STRAP: variants seen among roughly 807,000 people sequenced by gnomAD.
The protein encoded by STRAP is serine-threonine kinase receptor-associated protein.
Under a neutral mutation model 47.0 loss-of-function variants are expected in STRAP, and 16 were observed. The observed-to-expected ratio is 0.34, with a 90% CI of 0.23 to 0.52. The LOEUF (loss-of-function observed/expected upper bound fraction) is 0.52, where lower values mean the gene tolerates loss of function less well. Ranked by LOEUF, STRAP falls within the 20% of genes least tolerant of loss-of-function variation. STRAP has a pLI of 0.96. For synonymous variants in STRAP, 130 were observed against 142.7 expected (o/e 0.91, Z 0.63); for missense variants, 293 against 420.0 (o/e 0.70, Z 2.64).
chr12:15,891,112 T>C (rs1211792040), intron 4 of STRAP, among the ~76,000 whole-genome samples: 1 of 151,956 alleles, frequency 6.6e-6, no homozygotes, highest in Non-Finnish European at 1.5e-5. Context: ...AATTCATCAG[T>C]TTTTGGTTTA....
chr12:15,891,817 C>G (rs751334419), intron 4 of STRAP, among the ~76,000 whole-genome samples: 1 of 151,930 alleles, frequency 6.6e-6, no homozygotes, highest in African/African-American at 2.4e-5. Context: ...TGGTGGCAGG[C>G]GCCTGTAATT....
rs79300470 is a variant in STRAP at position 15,894,778 on chromosome 12, C to T, written c.501-581C>T. Among the ~76,000 whole-genome samples, 554 of 152,184 alleles carry T rather than the reference C, an allele frequency of 3.6e-3. 5 individuals carry two copies. Among genetic ancestry groups the T allele is most frequent in the African/African-American group, 0.012 (502 of 41,518 alleles). On this transcript the variant is annotated intron_variant, in intron 5 of 9. Coordinates refer to ENST00000419869, the MANE Select transcript of STRAP (RefSeq NM_007178.4). This position sits in a 1 kb window ranked among gnomAD's most constrained non-coding sequence, Gnocchi z 4.9. ...TGTCTAATGCAAATATTCCAAAATC[C>T]GAAAAAGTTTGAAATCCAACTTTTT...
Position 15,882,490 on chromosome 12 carries a change from T to C in STRAP, c.-218T>C. The C allele has an allele frequency of 5.8e-6, 2 of 346,626 alleles. No individual in the cohort carries two copies. The highest frequency in any genetic ancestry group is 2.5e-5 in the South Asian group (1 of 40,344). The allele number at this position is 346,626 out of a possible 1,614,324, so 21.5% of individuals were successfully genotyped here. On this transcript the variant is annotated 5_prime_UTR_variant, in exon 1 of 10. Transcript: ENST00000419869. ...ACTTTCCTCCCTCCCTCCCTTTCCC[T>C]CCCTCGTCGACTGTTGCTTGCTGGT...
chr12:15,882,688 T>A lies in STRAP; in HGVS notation c.-20T>A, dbSNP rs568344413. 1.9e-6 allele frequency: 3 copies of A among 1,595,574 alleles called. No individual in the cohort carries two copies. In the African/African-American group the frequency reaches 4.0e-5, roughly 21 times the overall value. ...GACGACCCTCAGCTCGCCAGTCCGG[T>A]CGCTGGCTTCGCCGCCGCCATGGCA... On this transcript the variant is annotated 5_prime_UTR_variant, in exon 1 of 10. Transcript: ENST00000419869.
In STRAP at chr12:15,882,438, C is replaced by A. The variant is rs1477442455; in HGVS notation, c.-270C>A. Reference sequence around the variant, plus strand: ...GTGGACGCTGTGAATCGTGGCTGGCCCGGTTCTCCGCTTCTCCCCATCCCC... The same window carrying A: ...GTGGACGCTGTGAATCGTGGCTGGCACGGTTCTCCGCTTCTCCCCATCCCC... On this transcript the variant is annotated 5_prime_UTR_variant, in exon 1 of 10. Coordinates refer to ENST00000419869, the MANE Select transcript of STRAP (RefSeq NM_007178.4). 1.2e-5 allele frequency: 6 copies of A among 509,676 alleles called. No individual in the cohort carries two copies. The highest frequency in any genetic ancestry group is 2.1e-5 in the Non-Finnish European group (6 of 283,682). 31.6% of individuals were successfully genotyped at this position (509,676 alleles called of 1,614,324 possible).
rs77080576 is a variant in STRAP, at chr12:15,897,305, T to A, written c.639-577T>A. Reference sequence around the variant, plus strand: ...AATTGAATTTCAGATGAAGCTGTTATTATGCATTGATTTTTATTATATAAC... The same window carrying A: ...AATTGAATTTCAGATGAAGCTGTTAATATGCATTGATTTTTATTATATAAC... On this transcript the variant is annotated intron_variant, in intron 6 of 9. Coordinates refer to ENST00000419869, the MANE Select transcript of STRAP (RefSeq NM_007178.4). Among the ~76,000 whole-genome samples, 876 of 152,322 alleles carry A rather than the reference T, an allele frequency of 5.8e-3. 47 individuals are homozygous for A. The East Asian group carries it at 0.12, about 21-fold the overall frequency.
chr12:15,889,884 T>C, intron 2 of STRAP, 44 bp from the exon 3 acceptor site: 2 of 1,463,320 alleles, frequency 1.4e-6, no homozygotes, highest in Non-Finnish European at 1.9e-6. Flanking sequence ...TTTTAATATA[T>C]TGGGTAATAT....
At chr12:15,892,698 G>C (rs776660650) in intron 4 of STRAP, among the ~76,000 whole-genome samples, 1 of 152,174 alleles carries the variant, frequency 6.6e-6, no homozygotes, top group Non-Finnish European at 1.5e-5. Context: ...CGCATTTGCA[G>C]ATTTTTTTAT....
rs938488915 is a variant in STRAP, at chr12:15,896,440, G to A, written c.638+944G>A. Among the ~76,000 whole-genome samples, 1 of 151,968 alleles carries A rather than the reference G, an allele frequency of 6.6e-6. No individual in the cohort carries two copies. Among genetic ancestry groups the A allele is most frequent in the Non-Finnish European group, 1.5e-5 (1 of 67,994 alleles). ...AATATATAACATAATTGAAAAAAATGTACCCACAATATTATACCCATAGGT... is the reference window on the plus strand; with the variant it reads ...AATATATAACATAATTGAAAAAAATATACCCACAATATTATACCCATAGGT... On this transcript the variant is annotated intron_variant, in intron 6 of 9. Transcript: ENST00000419869. The surrounding 1 kb of genome is among the most constrained non-coding windows in gnomAD (Gnocchi z 4.1).
chr12:15,890,727 A>T lies in STRAP; in HGVS notation c.403+58A>T. On this transcript the variant is annotated intron_variant, in intron 4 of 9. Transcript: ENST00000419869. The surrounding 1 kb of genome is among the most constrained non-coding windows in gnomAD (Gnocchi z 4.5). ...TATTTTCTTTTAATTTAAATAACTG[A>T]TTAAAGAATTTCATGCTCAGTACTC... 1 of 1,429,186 alleles carries T rather than the reference A, an allele frequency of 7.0e-7. No individual in the cohort carries two copies. Among genetic ancestry groups the T allele is most frequent in the South Asian group, 1.2e-5 (1 of 80,828 alleles). The allele number at this position is 1,429,186 out of a possible 1,614,324, so 88.5% of individuals were successfully genotyped here. A position where few individuals can be genotyped will look rare whatever the true frequency, so the allele number is the denominator to read the frequency against.
At chr12:15,898,735 G>A (rs781439566) in intron 7 of STRAP, among the ~76,000 whole-genome samples, 1 of 147,376 alleles carries the variant, frequency 6.8e-6, no homozygotes, top group Non-Finnish European at 1.5e-5. Flanking sequence ...TTTGCTTTTA[G>A]GTCAAAAATA....
chr12:15,889,806 T>A (rs1401169517), intron 2 of STRAP, 122 bp from the exon 3 acceptor site: 2 of 670,610 alleles, frequency 3.0e-6, no homozygotes, highest in Non-Finnish European at 5.0e-6. Context: ...AGATTTATAA[T>A]ACATTTATGT....
At chr12:15,901,860 CAA>C (rs71042273) in intron 9 of STRAP, among the ~76,000 whole-genome samples, 190 of 87,746 alleles carry the variant, frequency 2.2e-3, no homozygotes, top group Middle Eastern at 5.3e-3. Flanking sequence ...GACTCTGTCT[CAA>C]AAAAAAAAAA....
chr12:15,900,920 T>G, intron 8 of STRAP, 27 bp from the exon 9 acceptor site: 1 of 1,566,052 alleles, frequency 6.4e-7, no homozygotes, highest in South Asian at 1.2e-5. Context: ...GTAAGTCATA[T>G]AATCGTCATT....
At chr12:15,901,767 A>G (rs901707656) in intron 9 of STRAP, among the ~76,000 whole-genome samples, 1 of 150,990 alleles carries the variant, frequency 6.6e-6, no homozygotes, top group African/African-American at 2.4e-5. Context: ...AGGCTGAAGC[A>G]GGAGAGTAGC....
Position 15,894,080 on chromosome 12 carries a change from TA to T in STRAP, c.444del (p.Ala149LeufsTer26), listed in dbSNP as rs1470408003. On this transcript the variant is annotated frameshift_variant, in exon 5 of 10. Transcript: ENST00000419869. LOFTEE classifies it high-confidence loss of function. This position sits in a 1 kb window ranked among gnomAD's most constrained non-coding sequence, Gnocchi z 4.9. Reference sequence around the variant, plus strand: ...GAAATTAGTGGTCATACTTCTGGTATAAAAAAAGCTCTGTGGTGCAGTGAGG... The same window carrying T: ...GAAATTAGTGGTCATACTTCTGGTATAAAAAAGCTCTGTGGTGCAGTGAGG... ...PKEISGHTSGIKKALWCSEDK... is the reference protein window; with the variant it reads ...PKEISGHTSGXKKALWCSEDK... 6.2e-7 allele frequency: 1 copy of T among 1,613,540 alleles called. No individual in the cohort carries two copies. Among genetic ancestry groups the T allele is most frequent in the Non-Finnish European group, 8.5e-7 (1 of 1,179,688 alleles).
At position 15,891,797 on chromosome 12, in the gene STRAP, T is replaced by C. The variant is rs556939242; in HGVS notation, c.403+1128T>C. 2.0e-5 allele frequency among the ~76,000 whole-genome samples: 3 copies of C among 152,076 alleles called. No individual in the cohort carries two copies. The East Asian group carries it at 5.8e-4, about 29-fold the overall frequency. Reference sequence around the variant, plus strand: ...ATCTCTACTAAAAGTACAAAAAAATTAGCTGGGCATGGTGGCAGGCGCCTG... The same window carrying C: ...ATCTCTACTAAAAGTACAAAAAAATCAGCTGGGCATGGTGGCAGGCGCCTG... On this transcript the variant is annotated intron_variant, in intron 4 of 9. Transcript: ENST00000419869.
intron 2 of STRAP, among the ~76,000 whole-genome samples, chr12:15,884,917 A>G (rs1947956152): frequency 6.6e-6 from 1 of 152,192 alleles, no homozygotes; most frequent in African/African-American, 2.4e-5. Context: ...CAATCTAATT[A>G]TACTAATCTT....
Position 15,897,868 on chromosome 12 carries a change from A to G in STRAP, c.639-14A>G. 6.7e-7 allele frequency: 1 copy of G among 1,494,944 alleles called. No homozygotes were observed. 92.6% of individuals were successfully genotyped at this position (1,494,944 alleles called of 1,614,324 possible). ...TATTCAAGATTTGTAAATACTACTT[A>G]AATTTTTTTTCAGTTTGGACCCAAT... On this transcript the variant is annotated splice_polypyrimidine_tract_variant and intron_variant, in intron 6 of 9. Coordinates refer to ENST00000419869, the MANE Select transcript of STRAP (RefSeq NM_007178.4).
Sources: gnomAD v4.1 joint callset for allele counts (sites outside exome capture counted in the v4.1 genomes callset) on GRCh38, gnomAD v4.1.1 for gene constraint, Gnocchi (gnomAD v3.1) non-coding constraint, MANE v1.5 for transcripts, NCBI Gene and HGNC (gene_info 2026-07-23, HGNC 2026-07-21) for gene names.